TRMT10A: variants seen among roughly 807,000 people sequenced by gnomAD.
The protein encoded by TRMT10A is tRNA methyltransferase 10A.
Under a neutral mutation model 40.4 loss-of-function variants are expected in TRMT10A, and 37 were observed. The ratio of observed to expected loss-of-function variants is 0.92; its 90% CI spans 0.71 to 1.21. The LOEUF (loss-of-function observed/expected upper bound fraction) is 1.21, where lower values mean the gene tolerates loss of function less well. Ranked by LOEUF, TRMT10A falls within the 50% of genes most tolerant of loss-of-function variation. The probability of loss-of-function intolerance (pLI) is 0.00; values close to 1 mark genes in which losing one functional copy is unlikely to be tolerated. For missense variants in TRMT10A, 388 were observed against 404.3 expected (o/e 0.96, Z 0.35); for synonymous variants, 103 against 134.1 (o/e 0.77, Z 1.60).
rs1406881488 is a variant in TRMT10A, at chr4:99,547,556, C to T, written c.*1532G>A. 2 of 152,002 alleles carry T rather than the reference C, an allele frequency of 1.3e-5. No individual in the cohort carries two copies. Among genetic ancestry groups the T allele is most frequent in the African/African-American group, 2.4e-5 (1 of 41,410 alleles). The allele number at this position is 152,002 out of a possible 1,614,324, so 9.4% of individuals were successfully genotyped here. A position where few individuals can be genotyped will look rare whatever the true frequency, so the allele number is the denominator to read the frequency against. The stretch of plus-strand genomic sequence containing the variant: ...CATAATATTTCATGCTAATAAACCA[C>T]ATTTACTCAGAAAAACATGAACCTT... On this transcript the variant is annotated 3_prime_UTR_variant, in exon 8 of 8. Transcript: ENST00000394876.
At chr4:99,549,444 A>G in intron 7 of TRMT10A, 88 bp from the exon 8 acceptor site, 1 of 1,502,674 alleles carries the variant, frequency 6.7e-7, no homozygotes. Flanking sequence ...CCTTTGTGTT[A>G]AGAGTGCTAG....
At chr4:99,552,133 A>C (rs1723989167) in intron 6 of TRMT10A, among the ~76,000 whole-genome samples, 1 of 152,120 alleles carries the variant, frequency 6.6e-6, no homozygotes, top group East Asian at 1.9e-4. Flanking sequence ...ATTATTGAAG[A>C]AAAAATTTTA....
In TRMT10A at chr4:99,548,935, C is replaced by CT. The variant is rs35333223; in HGVS notation, c.*152dup. 76,915 of 633,244 alleles carry CT rather than the reference C, an allele frequency of 0.12. 2,448 individuals are homozygous for CT. Among genetic ancestry groups the CT allele is most frequent in the South Asian group, 0.19 (4,597 of 23,972 alleles). 39.2% of individuals were successfully genotyped at this position (633,244 alleles called of 1,614,324 possible). ...ATATTTCCTTACAAAGTTTAAAGGGCTTTTTTTTTTATTATTATTTAGGTC... is the reference window on the plus strand; with the variant it reads ...ATATTTCCTTACAAAGTTTAAAGGGCTTTTTTTTTTTATTATTATTTAGGTC... On this transcript the variant is annotated 3_prime_UTR_variant, in exon 8 of 8. Coordinates refer to ENST00000394876, the MANE Select transcript of TRMT10A (RefSeq NM_001134665.3).
At chr4:99,558,249 T>A in intron 2 of TRMT10A, 38 bp from the exon 3 acceptor site, 1 of 1,489,460 alleles carries the variant, frequency 6.7e-7, no homozygotes, top group Non-Finnish European at 9.1e-7. Context: ...TGTTATTGTG[T>A]ATTCAGTTAT....
chr4:99,557,539 C>G, intron 3 of TRMT10A, 123 bp from the exon 4 acceptor site: 2 of 703,614 alleles, frequency 2.8e-6, no homozygotes, highest in African/African-American at 1.9e-5. Flanking sequence ...TTCTTAAATA[C>G]AAATGCATTC....
chr4:99,556,575 CT>C (rs1368546738), intron 4 of TRMT10A, among the ~76,000 whole-genome samples: 1 of 152,014 alleles, frequency 6.6e-6, no homozygotes, highest in Non-Finnish European at 1.5e-5. Flanking sequence ...CATAATTTTT[CT>C]TTGATTCTAA....
rs1724294866 is a variant in TRMT10A, at chr4:99,559,375, T to A, written c.-23-14A>T. On this transcript the variant is annotated splice_polypyrimidine_tract_variant and intron_variant, in intron 1 of 7. Coordinates refer to ENST00000394876, the MANE Select transcript of TRMT10A (RefSeq NM_001134665.3). ...TCTGAAAAACAACTTTTGACATGAATAGATAATTTACAAGCACAAAAAAGT... is the reference window on the plus strand; with the variant it reads ...TCTGAAAAACAACTTTTGACATGAAAAGATAATTTACAAGCACAAAAAAGT... The A allele has an allele frequency of 6.5e-7, 1 of 1,539,508 alleles. No individual in the cohort carries two copies. Among genetic ancestry groups the A allele is most frequent in the Admixed American group, 1.9e-5 (1 of 53,794 alleles).
In TRMT10A at chr4:99,558,205, C is replaced by T. The variant is rs776038128; in HGVS notation, c.192G>A (p.Lys64=). The change falls in exon 3 of 8, where the codon AAG becomes AAA. Residue 64 remains lysine (K), a synonymous_variant. Coordinates refer to ENST00000394876, the MANE Select transcript of TRMT10A (RefSeq NM_001134665.3). ...WEEQRELRKQ[K]RKEKRKRKKL... is the part of the protein sequence containing the mutation. ...TTTTCCTCTTGCGTTTTTCTTTTCG[C>T]TTTTGTCTAAAATTAGTAATTGAAA... 2 of 1,594,242 alleles carry T rather than the reference C, an allele frequency of 1.3e-6. No homozygotes were observed. Among genetic ancestry groups the T allele is most frequent in the South Asian group, 2.3e-5 (2 of 86,826 alleles).
rs1027659148 is a variant in TRMT10A, at chr4:99,548,583, C to A, written c.*505G>T. 1.3e-5 allele frequency: 2 copies of A among 152,312 alleles called. No individual in the cohort carries two copies. The highest frequency in any genetic ancestry group is 4.8e-5 in the African/African-American group (2 of 41,422). 9.4% of individuals were successfully genotyped at this position (152,312 alleles called of 1,614,324 possible). ...AAGTCTATCAAACTGATACTTCTTC[C>A]TAAAATTACTACATTCTTTCAAGTA... On this transcript the variant is annotated 3_prime_UTR_variant, in exon 8 of 8. Transcript: ENST00000394876.
intron 3 of TRMT10A, chr4:99,557,769 A>G (rs1006686586): frequency 4.8e-6 from 2 of 416,908 alleles, no homozygotes; most frequent in East Asian, 4.5e-5. Context: ...TTTATGATCA[A>G]TAAGTAGTTA....
At position 99,547,080 on chromosome 4, in the gene TRMT10A, G is replaced by A. The variant is rs1723763754; in HGVS notation, c.*2008C>T. On this transcript the variant is annotated 3_prime_UTR_variant, in exon 8 of 8. Transcript: ENST00000394876. Reference sequence around the variant, plus strand: ...GTCTTTGCGGATGTAGTCAAGATGAGGTCATATTGGATCATGGTGAACTCT... The same window carrying A: ...GTCTTTGCGGATGTAGTCAAGATGAAGTCATATTGGATCATGGTGAACTCT... 6.6e-6 allele frequency: 1 copy of A among 152,046 alleles called. No homozygotes were observed. Among genetic ancestry groups the A allele is most frequent in the Non-Finnish European group, 1.5e-5 (1 of 68,008 alleles). 9.4% of individuals were successfully genotyped at this position (152,046 alleles called of 1,614,324 possible).
chr4:99,558,033 C>A lies in TRMT10A; in HGVS notation c.348+16G>T. ...TAATTCACATACAAGATTTTTCTGA[C>A]AATGATTCATGATACCTTTAATACC... On this transcript the variant is annotated intron_variant, in intron 3 of 7. Coordinates refer to ENST00000394876, the MANE Select transcript of TRMT10A (RefSeq NM_001134665.3). The A allele has an allele frequency of 6.5e-7, 1 of 1,530,404 alleles. No homozygotes were observed. The highest frequency in any genetic ancestry group is 8.7e-7 in the Non-Finnish European group (1 of 1,143,914). 94.8% of individuals were successfully genotyped at this position (1,530,404 alleles called of 1,614,324 possible).
chr4:99,564,021 G>A lies in TRMT10A; in HGVS notation c.-132C>T, dbSNP rs1724584243. On this transcript the variant is annotated 5_prime_UTR_variant, in exon 1 of 8. Coordinates refer to ENST00000394876, the MANE Select transcript of TRMT10A (RefSeq NM_001134665.3). ...ACAGAAACTTCAATTCCCAGAGGCA[G>A]GGGCGGTAGTTACGCAGTGGAGGCT... 1 of 1,504,466 alleles carries A rather than the reference G, an allele frequency of 6.6e-7. No individual in the cohort carries two copies. Among genetic ancestry groups the A allele is most frequent in the Non-Finnish European group, 8.9e-7 (1 of 1,119,298 alleles). 93.2% of individuals were successfully genotyped at this position (1,504,466 alleles called of 1,614,324 possible).
intron 1 of TRMT10A, among the ~76,000 whole-genome samples, chr4:99,561,440 A>T (rs1263265834): frequency 6.6e-6 from 1 of 152,004 alleles, no homozygotes; most frequent in Non-Finnish European, 1.5e-5. Flanking sequence ...CAACATCTTC[A>T]TCATCATCAT....
intron 5 of TRMT10A, among the ~76,000 whole-genome samples, chr4:99,555,274 A>T (rs1051252170): frequency 7.2e-5 from 11 of 152,234 alleles, no homozygotes; most frequent in African/African-American, 2.7e-4. Flanking sequence ...TAGGCTATTA[A>T]TAAAATAAAT....
chr4:99,552,432 A>G (rs1455155672), intron 6 of TRMT10A, among the ~76,000 whole-genome samples: 3 of 152,212 alleles, frequency 2.0e-5, no homozygotes, highest in Non-Finnish European at 4.4e-5. Context: ...ATAGGTTTGT[A>G]GCCTAGGAGC....
chr4:99,550,912 T>C lies in TRMT10A; in HGVS notation c.724A>G (p.Ser242Gly), dbSNP rs368697138. Residue 242 changes from serine to glycine, a missense_variant, in exon 7 of 8, where the codon AGT (serine) becomes GGT (glycine). Coordinates refer to ENST00000394876, the MANE Select transcript of TRMT10A (RefSeq NM_001134665.3). The part of the protein sequence containing the change: ...LPLGNFVKMN[S>G]RKVLAVNHVF... ...TGATTAACTGCCAAAACTTTTCGAC[T>C]ATTCATCTTCACAAAATTTCCAAGT... The C allele has an allele frequency of 3.7e-6, 6 of 1,613,256 alleles. No homozygotes were observed. In the African/African-American group the frequency reaches 6.7e-5, roughly 18 times the overall value.
Position 99,559,260 on chromosome 4 carries a change from C to A in TRMT10A, c.79G>T (p.Glu27Ter), listed in dbSNP as rs142895837. 3.1e-4 allele frequency: 503 copies of A among 1,613,434 alleles called. No individual in the cohort carries two copies. Among genetic ancestry groups the A allele is most frequent in the Non-Finnish European group, 4.2e-4 (492 of 1,179,630 alleles). The change falls in exon 2 of 8, where the codon GAG becomes TAG. Residue 27 changes from glutamate (E) to a stop codon, truncating the protein, a stop_gained. Coordinates refer to ENST00000394876, the MANE Select transcript of TRMT10A (RefSeq NM_001134665.3). LOFTEE classifies it high-confidence loss of function. ...TCACCTAATCTTGGCTTCTGGCTCT[C>A]CTCTTGATCTTCATTTATGCCTTGC... is the stretch of plus-strand genomic sequence containing the variant. ...KKQGINEDQE[E>*]SQKPRLGEGC...
chr4:99,557,107 G>A (rs1724190059), intron 4 of TRMT10A, among the ~76,000 whole-genome samples: 1 of 152,074 alleles, frequency 6.6e-6, no homozygotes, highest in African/African-American at 2.4e-5. Flanking sequence ...TCAACTACAG[G>A]CAATGAAAAG....
Sources: gnomAD v4.1 joint callset for allele counts (sites outside exome capture counted in the v4.1 genomes callset) on GRCh38, gnomAD v4.1.1 for gene constraint, MANE v1.5 for transcripts, NCBI Gene and HGNC (gene_info 2026-07-23, HGNC 2026-07-21) for gene names.